ARB2A: variants seen among roughly 807,000 people sequenced by gnomAD.
The protein encoded by ARB2A is ARB2 cotranscriptional regulator A.
the ARB2A span, among the ~76,000 whole-genome samples, chr5:93,811,650 C>T: frequency 1.3e-5 from 2 of 152,040 alleles, no homozygotes; most frequent in African/African-American, 4.8e-5. Context: ...TGAGGTCATA[C>T]TTTTAACGGG....
chr5:93,876,848 T>A, the ARB2A span, among the ~76,000 whole-genome samples: 1 of 151,958 alleles, frequency 6.6e-6, no homozygotes, highest in African/African-American at 2.4e-5. Context: ...AAAAACATAT[T>A]TTTGGAAAGA....
At chr5:94,104,387 A>G in the ARB2A span, among the ~76,000 whole-genome samples, 75 of 151,988 alleles carry the variant, frequency 4.9e-4, no homozygotes, top group Middle Eastern at 0.01. Flanking sequence ...ACCTCTACCT[A>G]CACAAACTAG....
chr5:94,003,596 T>G, the ARB2A span, among the ~76,000 whole-genome samples: 1 of 151,982 alleles, frequency 6.6e-6, no homozygotes, highest in African/African-American at 2.4e-5. Flanking sequence ...AATTTTAAAA[T>G]ATAATATTTA....
the ARB2A span, among the ~76,000 whole-genome samples, chr5:93,642,621 G>A: frequency 6.6e-6 from 1 of 152,062 alleles, no homozygotes; most frequent in African/African-American, 2.4e-5. Flanking sequence ...TAATCTGCCC[G>A]CCTTGGGATC....
At chr5:94,006,898 T>A in the ARB2A span, among the ~76,000 whole-genome samples, 26 of 152,352 alleles carry the variant, frequency 1.7e-4, no homozygotes, top group East Asian at 3.7e-3. Flanking sequence ...AAGTGTTAGC[T>A]ATTTCAAAAT....
At chr5:93,881,907 GAAC>G in the ARB2A span, among the ~76,000 whole-genome samples, 1 of 149,618 alleles carries the variant, frequency 6.7e-6, no homozygotes, top group Non-Finnish European at 1.5e-5. Context: ...TTATTTATAA[GAAC>G]AAAAAATATA....
chr5:94,058,439 T>C, the ARB2A span, among the ~76,000 whole-genome samples: 4 of 151,876 alleles, frequency 2.6e-5, no homozygotes, highest in African/African-American at 4.8e-5. Flanking sequence ...ATAAAGGAAT[T>C]AGAAGGAAAA....
the ARB2A span, among the ~76,000 whole-genome samples, chr5:93,626,027 G>A: frequency 6.6e-6 from 1 of 152,024 alleles, no homozygotes; most frequent in Non-Finnish European, 1.5e-5. Flanking sequence ...GCGGGGGCAG[G>A]GGCAAAAAGT....
chr5:93,647,486 G>A, the ARB2A span, among the ~76,000 whole-genome samples: 10 of 151,554 alleles, frequency 6.6e-5, no homozygotes, highest in Non-Finnish European at 1.5e-4. Context: ...TCGGCCTCCC[G>A]AAGTGCTGGG....
At chr5:93,779,949 A>G in the ARB2A span, among the ~76,000 whole-genome samples, 1 of 152,168 alleles carries the variant, frequency 6.6e-6, no homozygotes, top group East Asian at 1.9e-4. Flanking sequence ...ACAATATTTC[A>G]GAGTAGGTTT....
the ARB2A span, among the ~76,000 whole-genome samples, chr5:93,667,763 A>AT: frequency 1.3e-5 from 2 of 152,204 alleles, no homozygotes; most frequent in Non-Finnish European, 2.9e-5. Flanking sequence ...TTAAGAATGC[A>AT]TTTTTAAAAG....
the ARB2A span, among the ~76,000 whole-genome samples, chr5:94,070,561 T>G: frequency 6.6e-6 from 1 of 151,998 alleles, no homozygotes; most frequent in Non-Finnish European, 1.5e-5. Flanking sequence ...AACTTGAACA[T>G]TACACATTCT....
At chr5:94,035,880 G>A in the ARB2A span, among the ~76,000 whole-genome samples, 1 of 152,036 alleles carries the variant, frequency 6.6e-6, no homozygotes, top group Non-Finnish European at 1.5e-5. Flanking sequence ...TAAGGAGAGG[G>A]ACAGCATTAG....
chr5:93,986,495 C>T, the ARB2A span, among the ~76,000 whole-genome samples: 96 of 152,262 alleles, frequency 6.3e-4, 1 homozygote, highest in Middle Eastern at 3.4e-3. Flanking sequence ...CCCCTCTGCC[C>T]GGCTGCCACC....
the ARB2A span, among the ~76,000 whole-genome samples, chr5:93,763,255 T>C: frequency 2.0e-5 from 3 of 151,994 alleles, no homozygotes; most frequent in Non-Finnish European, 4.4e-5. Context: ...GACTGGCAAA[T>C]TGGATAAAGA....
the ARB2A span, among the ~76,000 whole-genome samples, chr5:93,876,723 T>C: frequency 6.6e-6 from 1 of 152,022 alleles, no homozygotes; most frequent in Non-Finnish European, 1.5e-5. Context: ...TAAACAATCA[T>C]TGTTTGTAAT....
At chr5:93,955,528 C>T in the ARB2A span, among the ~76,000 whole-genome samples, 4 of 152,158 alleles carry the variant, frequency 2.6e-5, no homozygotes, top group African/African-American at 7.2e-5. Flanking sequence ...TTAGGGAAAA[C>T]GCTATCCTAG....
At chr5:93,701,102 A>G in the ARB2A span, among the ~76,000 whole-genome samples, 2 of 152,208 alleles carry the variant, frequency 1.3e-5, no homozygotes, top group Non-Finnish European at 2.9e-5. Flanking sequence ...TGAGAACAGA[A>G]TAACAATTGT....
chr5:94,027,496 A>T, the ARB2A span, among the ~76,000 whole-genome samples: 1 of 152,146 alleles, frequency 6.6e-6, no homozygotes, highest in Non-Finnish European at 1.5e-5. Context: ...AAAACCCCAA[A>T]AGGAAGGACT....
Sources: gnomAD v4.1 joint callset for allele counts (sites outside exome capture counted in the v4.1 genomes callset) on GRCh38, gnomAD v4.1.1 for gene constraint, MANE v1.5 for transcripts, NCBI Gene and HGNC (gene_info 2026-07-23, HGNC 2026-07-21) for gene names.